TFEC: variants seen among roughly 807,000 people sequenced by gnomAD.
The protein encoded by TFEC is class E basic helix-loop-helix protein 34.
A neutral mutation model predicts 41.6 loss-of-function variants in TFEC; 31 were observed. That is an observed-to-expected ratio of 0.74 (90% CI 0.56 to 1.01). The LOEUF (loss-of-function observed/expected upper bound fraction) is 1.01. TFEC is among the 50% of genes least tolerant of loss of function. The pLI is 0.00. For missense variants in TFEC, 402 were observed against 404.1 expected, an observed-to-expected ratio of 0.99 and a Z score of 0.04; for synonymous variants, 143 against 140.6, an observed-to-expected ratio of 1.02 and a Z score of -0.12.
chr7:115,956,998 GA>G (rs953933294), intron 3 of TFEC, among the ~76,000 whole-genome samples: 3 of 151,868 alleles, frequency 2.0e-5, no homozygotes, highest in East Asian at 3.9e-4. Flanking sequence ...AAGATGCGCT[GA>G]AAAAAAGTTA....
At chr7:115,982,969 G>A (rs897258659) in intron 2 of TFEC, among the ~76,000 whole-genome samples, 1 of 151,866 alleles carries the variant, frequency 6.6e-6, no homozygotes, top group Non-Finnish European at 1.5e-5. Context: ...GAATTAACTG[G>A]CATATGCATA....
chr7:116,077,834 C>CT (rs1326743917), intron 3 of TFEC, among the ~76,000 whole-genome samples: 5 of 151,958 alleles, frequency 3.3e-5, no homozygotes, highest in Non-Finnish European at 7.4e-5. Context: ...TAGTGGGGGA[C>CT]TTTAATACTC....
chr7:115,991,047 A>G (rs1034295024), intron 1 of TFEC, among the ~76,000 whole-genome samples: 10 of 152,208 alleles, frequency 6.6e-5, no homozygotes, highest in African/African-American at 2.4e-4. Context: ...CAGAAACTCT[A>G]CAAGCTAGAA....
intron 1 of TFEC, among the ~76,000 whole-genome samples, chr7:115,988,508 T>C (rs1256453247): frequency 6.6e-6 from 1 of 151,200 alleles, no homozygotes; most frequent in Admixed American, 6.6e-5. Flanking sequence ...AACAAGAAAC[T>C]ACAGAACTGA....
chr7:116,159,573 C>T (rs1438966275), intron 1 of TFEC, among the ~76,000 whole-genome samples: 3 of 151,974 alleles, frequency 2.0e-5, no homozygotes, highest in Non-Finnish European at 2.9e-5. Flanking sequence ...AGTGAATTCA[C>T]CAGTGAAGCA....
At chr7:115,946,870 G>A (rs897272179) in intron 6 of TFEC, among the ~76,000 whole-genome samples, 4 of 150,756 alleles carry the variant, frequency 2.7e-5, no homozygotes, top group East Asian at 2.0e-4. Flanking sequence ...GATCATTTCC[G>A]GATAATGAAT....
At chr7:115,987,286 C>T (rs1407460316) in intron 1 of TFEC, among the ~76,000 whole-genome samples, 1 of 152,122 alleles carries the variant, frequency 6.6e-6, no homozygotes, top group Non-Finnish European at 1.5e-5. Context: ...GAAAAAAAAT[C>T]TCTGACTTTA....
At chr7:116,128,858 T>C (rs1053524161) in intron 1 of TFEC, among the ~76,000 whole-genome samples, 1 of 151,936 alleles carries the variant, frequency 6.6e-6, no homozygotes, top group Non-Finnish European at 1.5e-5. Flanking sequence ...ATAGAACAAA[T>C]AGGGATTTTT....
At chr7:116,023,168 G>A (rs950424166) in intron 1 of TFEC, among the ~76,000 whole-genome samples, 4 of 151,150 alleles carry the variant, frequency 2.6e-5, no homozygotes, top group Non-Finnish European at 1.5e-5. Context: ...TGAAGTTATT[G>A]TAAGTAAATC....
chr7:116,010,072 A>T (rs1015298683), intron 1 of TFEC, among the ~76,000 whole-genome samples: 2 of 152,158 alleles, frequency 1.3e-5, no homozygotes, highest in African/African-American at 4.8e-5. Context: ...CAGTATATGC[A>T]AAGATCCTGT....
intron 1 of TFEC, among the ~76,000 whole-genome samples, chr7:116,146,068 C>T (rs973175806): frequency 2.0e-5 from 3 of 152,144 alleles, no homozygotes; most frequent in South Asian, 2.1e-4. Context: ...GAAAAACCTA[C>T]GAGTACAGTA....
At chr7:115,941,793 T>C (rs1256522818) in intron 7 of TFEC, 100 bp downstream of exon 7, 1 of 1,447,986 alleles carries the variant, frequency 6.9e-7, no homozygotes, top group Non-Finnish European at 9.3e-7. Context: ...GGAAAAATAA[T>C]TGTTAATAAG....
intron 3 of TFEC, among the ~76,000 whole-genome samples, chr7:116,100,087 A>T (rs1440848990): frequency 3.3e-5 from 5 of 152,162 alleles, no homozygotes; most frequent in African/African-American, 1.2e-4. Context: ...TATAGCTCCA[A>T]TTTCTGCCTG....
chr7:116,058,013 A>G (rs1562954330), intron 3 of TFEC, among the ~76,000 whole-genome samples: 1 of 151,774 alleles, frequency 6.6e-6, no homozygotes, highest in African/African-American at 2.4e-5. Flanking sequence ...TATCAAGATG[A>G]CAGATTTAAA....
chr7:116,131,829 T>A (rs1019658743), intron 1 of TFEC, among the ~76,000 whole-genome samples: 31 of 152,220 alleles, frequency 2.0e-4, no homozygotes, highest in Non-Finnish European at 1.9e-4. Context: ...ATTTACAGTA[T>A]TAGTACCCTT....
chr7:115,965,279 T>C lies in TFEC; in HGVS notation c.268-8486A>G, dbSNP rs537732688. ...TTTTTCCTACCTCTTCAGGCTTAGA[T>C]ATTCTGATTCTGTTCATCAAATTTG... On this transcript the variant is annotated intron_variant, in intron 3 of 7. Transcript: ENST00000265440. Among the ~76,000 whole-genome samples, 17 of 151,814 alleles carry C rather than the reference T, an allele frequency of 1.1e-4. No individual in the cohort carries two copies. In the South Asian group the frequency reaches 3.5e-3, roughly 31 times the overall value.
intron 1 of TFEC, among the ~76,000 whole-genome samples, chr7:115,999,831 A>G (rs530677907): frequency 2.3e-5 from 3 of 130,500 alleles, no homozygotes; most frequent in Non-Finnish European, 1.7e-5. Flanking sequence ...CAAAGCCATA[A>G]TAAGTCTCCT....
intron 1 of TFEC, among the ~76,000 whole-genome samples, chr7:116,130,130 G>A (rs1289063478): frequency 6.6e-6 from 1 of 150,860 alleles, no homozygotes; most frequent in African/African-American, 2.4e-5. Context: ...CAGATCTGAA[G>A]CCCCATCCAC....
At chr7:116,087,850 G>A (rs1051089441) in intron 3 of TFEC, among the ~76,000 whole-genome samples, 6 of 151,976 alleles carry the variant, frequency 3.9e-5, no homozygotes, top group Admixed American at 2.0e-4. Context: ...GAGCCAAAAG[G>A]CTTACTTTTA....
Sources: gnomAD v4.1 joint callset for allele counts (sites outside exome capture counted in the v4.1 genomes callset) on GRCh38, gnomAD v4.1.1 for gene constraint, MANE v1.5 for transcripts, NCBI Gene and HGNC (gene_info 2026-07-23, HGNC 2026-07-21) for gene names.